Variants in SPATA6L observed in about 807,000 individuals in gnomAD.
SPATA6L encodes the protein spermatogenesis associated 6 like.
SPATA6L carries 68 observed loss-of-function variants against 49.2 expected under a neutral mutation model. The ratio of observed to expected loss-of-function variants is 1.38; its 90% CI spans 1.14 to 1.69. The LOEUF is 1.69. Ranked by LOEUF, SPATA6L falls within the 40% of genes most tolerant of loss-of-function variation. SPATA6L has a pLI of 0.00. For synonymous variants in SPATA6L, 198 were observed against 165.7 expected (o/e 1.19, Z -1.50); for missense variants, 668 against 464.3 (o/e 1.44, Z -4.03).
At chr9:4,665,367 A>C (rs1840705586) in intron 1 of SPATA6L, 1 of 152,496 alleles carries the variant, frequency 6.6e-6, no homozygotes, top group Non-Finnish European at 1.5e-5. Flanking sequence ...TAGAGCTTAA[A>C]ACTGGTATAG....
chr9:4,662,415 G>A lies in SPATA6L; in HGVS notation c.40-379C>T. The A allele has an allele frequency of 6.5e-7, 1 of 1,537,466 alleles. No homozygotes were observed. The highest frequency in any genetic ancestry group is 1.2e-5 in the South Asian group (1 of 84,024). ...GAGGAGCATGGAGGGACGGCCGCTG[G>A]GCGTCTCCGCTTCGAGCAGCAGCAG... On this transcript the variant is annotated intron_variant, in intron 1 of 11. Coordinates refer to ENST00000682582, the MANE Select transcript of SPATA6L (RefSeq NM_001353486.2). This position sits in a 1 kb window ranked among gnomAD's most constrained non-coding sequence, Gnocchi z 4.9.
chr9:4,666,195 G>C lies in SPATA6L; in HGVS notation c.39+17C>G, dbSNP rs1840840908. 1 of 1,613,802 alleles carries C rather than the reference G, an allele frequency of 6.2e-7. No individual in the cohort carries two copies. The highest frequency in any genetic ancestry group is 1.3e-5 in the African/African-American group (1 of 74,902). The stretch of plus-strand genomic sequence containing the variant: ...TCCGACTTGAGGTTAAGGAGGGGGA[G>C]TTCATCGATCTCTTACCGCCCGGAT... On this transcript the variant is annotated intron_variant, in intron 1 of 11. Transcript: ENST00000682582.
chr9:4,636,451 G>A (rs1294420823), intron 3 of SPATA6L, among the ~76,000 whole-genome samples: 2 of 152,150 alleles, frequency 1.3e-5, no homozygotes, highest in Non-Finnish European at 2.9e-5. Flanking sequence ...GGTCTAATGG[G>A]ATGAACAATT....
intron 8 of SPATA6L, among the ~76,000 whole-genome samples, chr9:4,618,557 C>T (rs966094521): frequency 2.6e-5 from 4 of 152,136 alleles, no homozygotes; most frequent in Non-Finnish European, 5.9e-5. Context: ...AAGTGATTTA[C>T]CACCTCTATG....
chr9:4,655,862 T>C (rs1217727041), intron 3 of SPATA6L, among the ~76,000 whole-genome samples, 179 bp downstream of exon 3: 1 of 152,178 alleles, frequency 6.6e-6, no homozygotes, highest in African/African-American at 2.4e-5. Flanking sequence ...AGCCCATCTA[T>C]ATATAGAAAA....
rs1830153811 is a variant in SPATA6L, at chr9:4,625,413, A to T, written c.583T>A (p.Phe195Ile). The part of the protein sequence containing the change: ...RAPSQYSTRH[F>I]FQDQPAQLNL... ...AACTGAGCTGGCTGGTCCTGGAAGA[A>T]ATGCCTGGTAGAATATTGAGAGGGC... Residue 195 changes from phenylalanine to isoleucine, a missense_variant, in exon 6 of 12, where the codon TTC (phenylalanine) becomes ATC (isoleucine). Physicochemically the swap from Phe to Ile is conservative, Grantham distance 21. Transcript: ENST00000682582. The T allele has an allele frequency of 1.9e-6, 3 of 1,614,132 alleles. No individual in the cohort carries two copies. The highest frequency in any genetic ancestry group is 1.6e-4 in the Middle Eastern group (1 of 6,062).
chr9:4,622,539 G>A (rs1425427725), intron 6 of SPATA6L, 29 bp from the exon 7 acceptor site: 1 of 1,474,098 alleles, frequency 6.8e-7, no homozygotes. Context: ...AATAAGACTA[G>A]AATCCACTAT....
At chr9:4,606,459 G>A (rs1157566373) in intron 9 of SPATA6L, among the ~76,000 whole-genome samples, 1 of 47,002 alleles carries the variant, frequency 2.1e-5, no homozygotes, top group Non-Finnish European at 4.9e-5. Context: ...CTGAGAAGGG[G>A]CAGACTGCGT....
At chr9:4,664,047 G>C (rs1840472653) in intron 1 of SPATA6L, 1 of 167,108 alleles carries the variant, frequency 6.0e-6, no homozygotes, top group Non-Finnish European at 1.5e-5. Context: ...GCATATCTAA[G>C]ATGCTCATAG....
chr9:4,630,428 C>T (rs1225470243), intron 4 of SPATA6L, among the ~76,000 whole-genome samples: 1 of 152,194 alleles, frequency 6.6e-6, no homozygotes, highest in African/African-American at 2.4e-5. Context: ...ATTACACTGT[C>T]TCCACCTGAC....
In SPATA6L at chr9:4,647,992, G is replaced by A. The variant is rs140753953; in HGVS notation, c.226+8049C>T. 1.6e-3 allele frequency among the ~76,000 whole-genome samples: 242 copies of A among 152,032 alleles called. 2 individuals carry two copies. Among genetic ancestry groups the A allele is most frequent in the East Asian group, 0.016 (81 of 5,148 alleles). On this transcript the variant is annotated intron_variant, in intron 3 of 11. Transcript: ENST00000682582. ...TGGGACTACAGGCACGTACCACAGC[G>A]CCCAGCTACTTTTTGTATTTTTAGT... is the stretch of plus-strand genomic sequence containing the variant.
intron 4 of SPATA6L, chr9:4,633,888 C>T (rs1042436271): frequency 6.6e-6 from 1 of 152,190 alleles, no homozygotes; most frequent in African/African-American, 2.4e-5. Flanking sequence ...TATCTATTCA[C>T]AAATTATTTA....
intron 4 of SPATA6L, chr9:4,633,434 CA>C: frequency 6.5e-6 from 1 of 155,036 alleles, no homozygotes. Context: ...ACCTGGGGCC[CA>C]AAAGACCTAG....
chr9:4,613,165 T>C (rs1351579460), intron 9 of SPATA6L, among the ~76,000 whole-genome samples: 1 of 150,978 alleles, frequency 6.6e-6, no homozygotes, highest in Non-Finnish European at 1.5e-5. Flanking sequence ...GAGGTGGAGG[T>C]TGTAGTGAGC....
At chr9:4,603,551 G>A (rs1034222557) in intron 11 of SPATA6L, among the ~76,000 whole-genome samples, 2 of 152,200 alleles carry the variant, frequency 1.3e-5, no homozygotes, top group African/African-American at 4.8e-5. Flanking sequence ...CACACACCTA[G>A]TACATGTGTT....
chr9:4,659,352 A>G (rs1839053642), intron 2 of SPATA6L, among the ~76,000 whole-genome samples: 1 of 152,174 alleles, frequency 6.6e-6, no homozygotes, highest in African/African-American at 2.4e-5. Flanking sequence ...ATCAATGTGC[A>G]AAAATCACAA....
chr9:4,631,158 T>A (rs995264139), intron 4 of SPATA6L, among the ~76,000 whole-genome samples: 1 of 152,214 alleles, frequency 6.6e-6, no homozygotes, highest in South Asian at 2.1e-4. Flanking sequence ...TTCTTTTTCA[T>A]ACCGTGCTGT....
exon 14 of SPATA6L, chr9:4,588,878 AGCC>A (rs1363961872): frequency 6.6e-6 from 1 of 152,222 alleles, no homozygotes; most frequent in African/African-American, 2.4e-5. Context: ...TTCTTAGAAG[AGCC>A]ATGGGAAGTG....
chr9:4,619,522 C>T (rs1038060128), intron 7 of SPATA6L, among the ~76,000 whole-genome samples: 1 of 152,038 alleles, frequency 6.6e-6, no homozygotes, highest in African/African-American at 2.4e-5. Flanking sequence ...TGAGTAAGTT[C>T]AATAACCCTT....
Sources: allele counts gnomAD v4.1 joint callset (sites outside exome capture counted in the v4.1 genomes callset), GRCh38; gene constraint gnomAD v4.1.1; non-coding constraint Gnocchi (gnomAD v3.1); transcripts MANE v1.5; gene names NCBI Gene and HGNC (gene_info 2026-07-23, HGNC 2026-07-21).